The following ABLIM2 variants were observed in gnomAD, a reference collection of about 807,000 sequenced individuals.
The protein encoded by ABLIM2 is actin-binding LIM protein 2.
A neutral mutation model predicts 97.7 loss-of-function variants in ABLIM2; 53 were observed. That is an observed-to-expected ratio of 0.54 (90% CI 0.44 to 0.68). ABLIM2 has a LOEUF of 0.68. Among genes scored for constraint, ABLIM2 ranks in the 30% least tolerant of loss-of-function variants. The pLI is 0.00. For missense variants in ABLIM2, 835 were observed against 867.2 expected (o/e 0.96, Z 0.47); for synonymous variants, 361 against 345.8 (o/e 1.04, Z -0.49).
At chr4:8,156,941 C>G (rs1715567593) in intron 1 of ABLIM2, among the ~76,000 whole-genome samples, 1 of 152,184 alleles carries the variant, frequency 6.6e-6, no homozygotes, top group Admixed American at 6.5e-5. Flanking sequence ...GCACACATTG[C>G]CAGTTCCAAA....
At chr4:7,984,250 T>C (rs16841523) in intron 18 of ABLIM2, among the ~76,000 whole-genome samples, 48,871 of 152,012 alleles carry the variant, frequency 0.32, 9,831 homozygotes, top group African/African-American at 0.56. Flanking sequence ...GCCCGGGGAC[T>C]GAAGGCCACT....
In ABLIM2 at chr4:8,002,431, C is replaced by T. The variant is rs1189074215; in HGVS notation, c.1618+5628G>A. ...GGCCCCCCACTGCTTTTGTGGGAGCCCTTTTCCTCTCGCCCTGACTGGGCA... is the reference window on the plus strand; with the variant it reads ...GGCCCCCCACTGCTTTTGTGGGAGCTCTTTTCCTCTCGCCCTGACTGGGCA... On this transcript the variant is annotated intron_variant, in intron 16 of 20. Coordinates refer to ENST00000447017, the MANE Select transcript of ABLIM2 (RefSeq NM_001130083.2). The surrounding 1 kb of genome is among the most constrained non-coding windows in gnomAD (Gnocchi z 6.1). Among the ~76,000 whole-genome samples, 3 of 152,224 alleles carry T rather than the reference C, an allele frequency of 2.0e-5. No individual in the cohort carries two copies. Among genetic ancestry groups the T allele is most frequent in the Non-Finnish European group, 4.4e-5 (3 of 68,044 alleles).
chr4:8,115,700 T>C (rs1344531348), intron 1 of ABLIM2, among the ~76,000 whole-genome samples: 1 of 152,084 alleles, frequency 6.6e-6, no homozygotes, highest in Non-Finnish European at 1.5e-5. Flanking sequence ...TCTTACATGC[T>C]CTCCTACAAC....
chr4:8,108,230 C>G (rs558167020), intron 1 of ABLIM2, among the ~76,000 whole-genome samples: 2 of 152,254 alleles, frequency 1.3e-5, no homozygotes, highest in African/African-American at 2.4e-5. Flanking sequence ...ATTCTGCCAG[C>G]CACTCCTTGT....
intron 1 of ABLIM2, among the ~76,000 whole-genome samples, chr4:8,115,932 C>T (rs1047171085): frequency 6.6e-6 from 1 of 152,224 alleles, no homozygotes; most frequent in African/African-American, 2.4e-5. Context: ...AACCACTCCA[C>T]GCTGTGACCA....
In ABLIM2 at chr4:7,970,983, T is replaced by C. The variant is rs1426455743; in HGVS notation, c.1825-3880A>G. Among the ~76,000 whole-genome samples, 2 of 151,928 alleles carry C rather than the reference T, an allele frequency of 1.3e-5. No individual in the cohort carries two copies. Among genetic ancestry groups the C allele is most frequent in the Non-Finnish European group, 2.9e-5 (2 of 67,934 alleles). ...TTTCTGTCTGCAGCGTGAGAGAACT[T>C]GGTTGCCTGGGTATCCGGAAGGCTG... On this transcript the variant is annotated intron_variant, in intron 20 of 20. Coordinates refer to ENST00000447017, the MANE Select transcript of ABLIM2 (RefSeq NM_001130083.2). The surrounding 1 kb of genome is among the most constrained non-coding windows in gnomAD (Gnocchi z 5.3).
At chr4:8,142,487 A>G (rs547168536) in intron 1 of ABLIM2, among the ~76,000 whole-genome samples, 4 of 152,292 alleles carry the variant, frequency 2.6e-5, no homozygotes, top group African/African-American at 9.6e-5. Context: ...CCCAGGAGTT[A>G]AAGAGCCACT....
intron 3 of ABLIM2, among the ~76,000 whole-genome samples, chr4:8,089,642 G>C (rs1461893629): frequency 6.7e-6 from 1 of 150,174 alleles, no homozygotes; most frequent in African/African-American, 2.4e-5. Context: ...GGGTGAGGCA[G>C]GACAATCGCT....
chr4:8,102,870 G>A (rs1835367826), intron 2 of ABLIM2, among the ~76,000 whole-genome samples: 2 of 152,234 alleles, frequency 1.3e-5, no homozygotes, highest in Admixed American at 1.3e-4. Flanking sequence ...TTGCCGGTGG[G>A]GGTGAACGTG....
chr4:8,077,986 C>T (rs1201994495), intron 5 of ABLIM2, among the ~76,000 whole-genome samples: 1 of 152,222 alleles, frequency 6.6e-6, no homozygotes, highest in Non-Finnish European at 1.5e-5. Flanking sequence ...GTGGGAGGGG[C>T]TGACAGCAGC....
At chr4:8,059,443 C>T (rs533195413) in intron 7 of ABLIM2, among the ~76,000 whole-genome samples, 59 of 152,148 alleles carry the variant, frequency 3.9e-4, no homozygotes, top group African/African-American at 1.2e-3. Flanking sequence ...TGAGGATGAC[C>T]GGAAGTCCCT....
Position 8,095,435 on chromosome 4 carries a change from A to G in ABLIM2, c.338+1664T>C, listed in dbSNP as rs921087212. On this transcript the variant is annotated intron_variant, in intron 3 of 20. Transcript: ENST00000447017. The surrounding 1 kb of genome is among the most constrained non-coding windows in gnomAD (Gnocchi z 4.7). ...AGCAAGTTTTGATTGGACACTGAAC[A>G]CTTATAAATTTTACGTTGTTGAATG... 6.6e-6 allele frequency among the ~76,000 whole-genome samples: 1 copy of G among 152,114 alleles called. No homozygotes were observed. The highest frequency in any genetic ancestry group is 1.5e-5 in the Non-Finnish European group (1 of 68,028).
At chr4:7,973,328 C>T (rs938386055) in intron 20 of ABLIM2, among the ~76,000 whole-genome samples, 3 of 151,766 alleles carry the variant, frequency 2.0e-5, no homozygotes, top group East Asian at 1.9e-4. Flanking sequence ...TGGCAAAACC[C>T]CGTCTCTACT....
At chr4:8,152,751 C>G (rs1029776270) in intron 1 of ABLIM2, among the ~76,000 whole-genome samples, 1 of 152,198 alleles carries the variant, frequency 6.6e-6, no homozygotes, top group Non-Finnish European at 1.5e-5. Flanking sequence ...CCATGTTTTC[C>G]TATTGCAACT....
At chr4:7,995,472 C>T (rs1484100794) in intron 16 of ABLIM2, among the ~76,000 whole-genome samples, 6 of 152,226 alleles carry the variant, frequency 3.9e-5, no homozygotes, top group Admixed American at 2.0e-4. Context: ...CCGCTCTCTC[C>T]GGGGACCTCA....
At chr4:8,064,297 A>C (rs190712428) in intron 6 of ABLIM2, among the ~76,000 whole-genome samples, 17 of 152,340 alleles carry the variant, frequency 1.1e-4, no homozygotes, top group Non-Finnish European at 2.1e-4. Flanking sequence ...CCTGTGTGGC[A>C]GTATTGAGAG....
rs1456640293 is a variant in ABLIM2 at position 8,058,061 on chromosome 4, C to A, written c.763+2906G>T. ...ACCTCACAGCAGAAGCGGGGGCTGG[C>A]CTCAGGCCAGTCCTGAAGGGCGCCT... On this transcript the variant is annotated intron_variant, in intron 7 of 20. Transcript: ENST00000447017. The surrounding 1 kb of genome is among the most constrained non-coding windows in gnomAD (Gnocchi z 4.2). 1.3e-5 allele frequency among the ~76,000 whole-genome samples: 2 copies of A among 152,240 alleles called. No individual in the cohort carries two copies. The highest frequency in any genetic ancestry group is 2.4e-5 in the African/African-American group (1 of 41,460).
chr4:8,010,437 G>A (rs1264579270), intron 14 of ABLIM2: 5 of 985,794 alleles, frequency 5.1e-6, no homozygotes, highest in Admixed American at 6.1e-5. Context: ...TACCTGCAGC[G>A]GGCGGCGGGC....
rs938812526 is a variant in ABLIM2 at position 8,061,071 on chromosome 4, A to G, written c.676-17T>C. ...CTCTCCGGCCTGTAAGAAAAGCACA[A>G]AGCAGAATGTTTCTACTAAAGCCAG... On this transcript the variant is annotated splice_polypyrimidine_tract_variant and intron_variant, in intron 6 of 20. Coordinates refer to ENST00000447017, the MANE Select transcript of ABLIM2 (RefSeq NM_001130083.2). The surrounding 1 kb of genome is among the most constrained non-coding windows in gnomAD (Gnocchi z 4.5). 1 of 1,569,398 alleles carries G rather than the reference A, an allele frequency of 6.4e-7. No homozygotes were observed. Among genetic ancestry groups the G allele is most frequent in the Non-Finnish European group, 8.6e-7 (1 of 1,156,666 alleles).
Sources: allele counts gnomAD v4.1 joint callset (sites outside exome capture counted in the v4.1 genomes callset), GRCh38; gene constraint gnomAD v4.1.1; non-coding constraint Gnocchi (gnomAD v3.1); transcripts MANE v1.5; gene names NCBI Gene and HGNC (gene_info 2026-07-23, HGNC 2026-07-21).